The following CDHR5 variants were observed in gnomAD, a reference collection of about 807,000 sequenced individuals.
CDHR5 encodes the protein cadherin-related family member 5.
CDHR5 carries 82 observed loss-of-function variants against 69.5 expected under a neutral mutation model. The observed-to-expected ratio is 1.18, with a 90% CI of 0.99 to 1.42. The LOEUF (loss-of-function observed/expected upper bound fraction) is 1.42. CDHR5 is among the 40% of genes most tolerant of loss of function. The pLI, the probability that CDHR5 is intolerant of heterozygous loss-of-function variation, is 0.00. For synonymous variants in CDHR5, 601 were observed against 510.2 expected, an observed-to-expected ratio of 1.18 and a Z score of -2.40; for missense variants, 1,293 against 1,168.9, an observed-to-expected ratio of 1.11 and a Z score of -1.55.
chr11:617,440 TG>T lies in CDHR5; in HGVS notation c.2448del (p.Ser817ValfsTer56), dbSNP rs1281615190. 6.2e-7 allele frequency: 1 copy of T among 1,612,132 alleles called. No homozygotes were observed. The highest frequency in any genetic ancestry group is 1.1e-5 in the South Asian group (1 of 91,062). On this transcript the variant is annotated frameshift_variant, in exon 15 of 15. Transcript: ENST00000397542. LOFTEE classifies it low-confidence loss of function (END_TRUNC). ...LNAPTLDVDG[A>X]SDSGSGDEGE... ...CCCTCATCGCCGCTGCCGGAGTCAC[TG>T]GCGCCATCCACGTCCAGGGTGGGCG...
rs1255381601 is a variant in CDHR5 at position 624,248 on chromosome 11, C to G, written c.277G>C (p.Glu93Gln). 2.6e-6 allele frequency: 2 copies of G among 771,640 alleles called. No homozygotes were observed. The highest frequency in any genetic ancestry group is 2.4e-5 in the East Asian group (1 of 40,976). The allele number at this position is 771,640 out of a possible 1,614,324, so 47.8% of individuals were successfully genotyped here. The change falls in exon 3 of 15, where the codon GAG becomes CAG. Residue 93 changes from glutamate (E) to glutamine (Q), a missense_variant. Transcript: ENST00000397542. This position sits in a 1 kb window ranked among gnomAD's most constrained non-coding sequence, Gnocchi z 5.3. The stretch of plus-strand genomic sequence containing the variant: ...CCGCTCTGACACAGCAGCTGAGCCT[C>G]AAGCAGTGACTTCTCCTGTGGATGT... The part of the protein sequence containing the change: ...TPDYEEKSLL[E>Q]AQLLCQSGGT...
chr11:623,664 G>C (rs1172340905), intron 3 of CDHR5, among the ~76,000 whole-genome samples: 1 of 152,098 alleles, frequency 6.6e-6, no homozygotes, highest in Admixed American at 6.5e-5. Context: ...GTGGAGGGCT[G>C]GGGTGGGCTG....
chr11:621,640 G>T lies in CDHR5; in HGVS notation c.429C>A (p.Val143=). ...CAGCCTGCAGTTGCGTCTCGGGGAT[G>T]ACGGTGGAGTTCACTTTCGTGTCCT... The part of the protein sequence containing the change: ...VEEDTKVNST[V]IPETQLQAED... The change falls in exon 5 of 15, where the codon GTC becomes GTA. Residue 143 remains valine (V), a synonymous_variant. Coordinates refer to ENST00000397542, the MANE Select transcript of CDHR5 (RefSeq NM_021924.5). This position sits in a 1 kb window ranked among gnomAD's most constrained non-coding sequence, Gnocchi z 4.4. 1 of 1,613,484 alleles carries T rather than the reference G, an allele frequency of 6.2e-7. No homozygotes were observed. Among genetic ancestry groups the T allele is most frequent in the Non-Finnish European group, 8.5e-7 (1 of 1,179,550 alleles).
rs746728610 is a variant in CDHR5, at chr11:619,865, A to T, written c.995T>A (p.Leu332His). 1 of 1,550,308 alleles carries T rather than the reference A, an allele frequency of 6.5e-7. No homozygotes were observed. The highest frequency in any genetic ancestry group is 8.7e-7 in the Non-Finnish European group (1 of 1,151,500). ...LLLVKGQQAD[L>H]ARYSVTQVTV... ...GACCTGGGTCACTGAGTAGCGGGCA[A>T]GGTCGGCCTGTTGGCCCTGGAGGCG... Residue 332 changes from leucine (L) to histidine (H), a missense_variant, in exon 10 of 15, where the codon CTT becomes CAT. Transcript: ENST00000397542.
At chr11:622,104 C>T (rs552216268) in intron 3 of CDHR5, among the ~76,000 whole-genome samples, 200 bp from the exon 4 acceptor site, 20 of 151,848 alleles carry the variant, frequency 1.3e-4, no homozygotes, top group African/African-American at 2.4e-4. Flanking sequence ...CCGTCCCCGC[C>T]GTGAGTGAGG....
Position 621,911 on chromosome 11 carries a change from G to A in CDHR5, c.313-7C>T, listed in dbSNP as rs1389633858. On this transcript the variant is annotated splice_polypyrimidine_tract_variant and splice_region_variant and intron_variant, in intron 3 of 14. Coordinates refer to ENST00000397542, the MANE Select transcript of CDHR5 (RefSeq NM_021924.5). The surrounding 1 kb of genome is among the most constrained non-coding windows in gnomAD (Gnocchi z 4.4). ...ACACCCTTAGCTGGGTCACCTGCAGGATGTGGCCGTCAGCCTCTCCCACAG... is the reference window on the plus strand; with the variant it reads ...ACACCCTTAGCTGGGTCACCTGCAGAATGTGGCCGTCAGCCTCTCCCACAG... The A allele has an allele frequency of 5.6e-6, 9 of 1,609,760 alleles. No homozygotes were observed. Among genetic ancestry groups the A allele is most frequent in the Non-Finnish European group, 1.7e-6 (2 of 1,177,468 alleles).
Position 617,414 on chromosome 11 carries a change from G to GCCCTCA in CDHR5, c.2469_2474dup (p.Glu826_Gly827dup). 1 of 1,611,444 alleles carries GCCCTCA rather than the reference G, an allele frequency of 6.2e-7. No homozygotes were observed. Among genetic ancestry groups the GCCCTCA allele is most frequent in the South Asian group, 1.1e-5 (1 of 90,996 alleles). On this transcript the variant is annotated inframe_insertion, in exon 15 of 15. Transcript: ENST00000397542. ...GACCCCCACCCCTCCCCGCGCCCTC[G>GCCCTCA]CCCTCATCGCCGCTGCCGGAGTCAC...
chr11:618,571 G>A (rs773723533), intron 13 of CDHR5, 28 bp downstream of exon 13: 2 of 1,612,016 alleles, frequency 1.2e-6, no homozygotes, highest in Non-Finnish European at 1.7e-6. Context: ...CCGGAGTCAG[G>A]GAGGGAAGGC....
intron 7 of CDHR5, 91 bp downstream of exon 7, chr11:620,989 A>ACCCCGC (rs1857341213): frequency 3.8e-6 from 2 of 525,082 alleles, no homozygotes; most frequent in Admixed American, 3.6e-5. Flanking sequence ...CCTGACCCCG[A>ACCCCGC]CCCCGCCCTT....
chr11:623,153 A>G (rs1857518197), intron 3 of CDHR5, among the ~76,000 whole-genome samples: 1 of 152,102 alleles, frequency 6.6e-6, no homozygotes, highest in African/African-American at 2.4e-5. Context: ...TACTAAAAAT[A>G]CAAAAATTAG....
At position 617,305 on chromosome 11, in the gene CDHR5, A is replaced by G. The variant is rs754986038; in HGVS notation, c.*46T>C. 1 of 1,420,760 alleles carries G rather than the reference A, an allele frequency of 7.0e-7. No homozygotes were observed. Among genetic ancestry groups the G allele is most frequent in the Non-Finnish European group, 9.7e-7 (1 of 1,027,962 alleles). The allele number at this position is 1,420,760 out of a possible 1,614,324, so 88.0% of individuals were successfully genotyped here. A position where few individuals can be genotyped will look rare whatever the true frequency, so the allele number is the denominator to read the frequency against. ...CCTCGGGTCGGAGGCTGGGGGAGCG[A>G]GACCTCCAGTGCCCGTGCGGCTGGG... is the stretch of plus-strand genomic sequence containing the variant. On this transcript the variant is annotated 3_prime_UTR_variant, in exon 15 of 15. Coordinates refer to ENST00000397542, the MANE Select transcript of CDHR5 (RefSeq NM_021924.5).
chr11:620,977 C>CCCCTGA (rs1274581532), intron 7 of CDHR5, 103 bp downstream of exon 7: 46 of 740,958 alleles, frequency 6.2e-5, no homozygotes, highest in Non-Finnish European at 1.6e-5. Flanking sequence ...TCGGCCCCAC[C>CCCCTGA]CCCTGACCCC....
Position 619,315 on chromosome 11 carries a change from G to A in CDHR5, c.1369C>T (p.Pro457Ser), listed in dbSNP as rs969295576. The A allele has an allele frequency of 1.2e-6, 2 of 1,610,470 alleles. No individual in the cohort carries two copies. The highest frequency in any genetic ancestry group is 1.7e-6 in the Non-Finnish European group (2 of 1,177,524). The stretch of plus-strand genomic sequence containing the variant: ...GTGGAGGGGGGCTTACCTGTGGAGG[G>A]GGGCTCCTGTTCGGAAACTTGTATC... ...IEIQVSEQEP[P>S]STDVPPSPEA... is the part of the protein sequence containing the mutation. The change falls in exon 12 of 15, where the codon CCC becomes TCC. Residue 457 changes from proline to serine, a missense_variant. Transcript: ENST00000397542.
In CDHR5 at chr11:617,761, G is replaced by C. The variant is rs1030685973; in HGVS notation, c.2128C>G (p.Pro710Ala). ...AACGCCTGGTTGTCAAAGCCTTGGG[G>C]CTGGGGCTCCTGCAGGCGGGAGTCG... Reference protein sequence around the residue: ...CCCGKAPEPQPQGFDNQAFLP... With the variant: ...CCCGKAPEPQAQGFDNQAFLP... The change falls in exon 15 of 15, where the codon CCC becomes GCC. Residue 710 changes from proline (P) to alanine (A), a missense_variant. Transcript: ENST00000397542. 6.9e-7 allele frequency: 1 copy of C among 1,455,364 alleles called. No homozygotes were observed. Among genetic ancestry groups the C allele is most frequent in the Non-Finnish European group, 9.0e-7 (1 of 1,111,084 alleles). 90.2% of individuals were successfully genotyped at this position (1,455,364 alleles called of 1,614,324 possible). A position where few individuals can be genotyped will look rare whatever the true frequency, so the allele number is the denominator to read the frequency against.
rs778244827 is a variant in CDHR5 at position 619,189 on chromosome 11, C to T, written c.1379-9G>A. 52 of 1,512,592 alleles carry T rather than the reference C, an allele frequency of 3.4e-5. No individual in the cohort carries two copies. Among genetic ancestry groups the T allele is most frequent in the Admixed American group, 6.2e-5 (3 of 48,516 alleles). The allele number at this position is 1,512,592 out of a possible 1,614,324, so 93.7% of individuals were successfully genotyped here. Reference sequence around the variant, plus strand: ...TGGGGATGGGGGGACATCTGGGGGCCGGGAACAGTGCTTGGGCTTGCCTCT... The same window carrying T: ...TGGGGATGGGGGGACATCTGGGGGCTGGGAACAGTGCTTGGGCTTGCCTCT... On this transcript the variant is annotated splice_polypyrimidine_tract_variant and intron_variant, in intron 12 of 14. Transcript: ENST00000397542.
chr11:618,272 G>A (rs551125914), intron 13 of CDHR5, among the ~76,000 whole-genome samples, 161 bp from the exon 14 acceptor site: 1 of 152,320 alleles, frequency 6.6e-6, no homozygotes, highest in East Asian at 1.9e-4. Context: ...GGGCCTGTGT[G>A]TCCCATCGAG....
intron 7 of CDHR5, among the ~76,000 whole-genome samples, chr11:620,627 C>G (rs1423905616): frequency 6.6e-6 from 1 of 152,198 alleles, no homozygotes; most frequent in African/African-American, 2.4e-5. Flanking sequence ...CCCATTTGCA[C>G]AAGGCTTGTC....
Position 616,719 on chromosome 11 carries a change from C to G in CDHR5, c.*632G>C, listed in dbSNP as rs1421373964. On this transcript the variant is annotated 3_prime_UTR_variant, in exon 15 of 15. Transcript: ENST00000397542. ...CAGCGAGGGGAATGTGTCTCTCACC[C>G]CTAGGCCTCCTGGTCTGGCTCCTGC... 1 of 155,036 alleles carries G rather than the reference C, an allele frequency of 6.5e-6. No individual in the cohort carries two copies. Among genetic ancestry groups the G allele is most frequent in the East Asian group, 1.9e-4 (1 of 5,198 alleles). 9.6% of individuals were successfully genotyped at this position (155,036 alleles called of 1,614,324 possible).
chr11:618,716 G>A lies in CDHR5; in HGVS notation c.1843C>T (p.Pro615Ser), dbSNP rs377168999. The A allele has an allele frequency of 4.4e-6, 7 of 1,589,424 alleles. No individual in the cohort carries two copies. The African/African-American group carries it at 9.7e-5, about 22-fold the overall frequency. ...PEAGTSQPMP[P>S]GMGTSTSHQP... The stretch of plus-strand genomic sequence containing the variant: ...TGGGAGGTGCTGGTTCCCATACCGG[G>A]GGGCATCGGCTGAGAGGTTCCTGCC... Residue 615 changes from proline to serine, a missense_variant, in exon 13 of 15, where the codon CCC becomes TCC. Transcript: ENST00000397542.
Sources: allele counts gnomAD v4.1 joint callset (sites outside exome capture counted in the v4.1 genomes callset), GRCh38; gene constraint gnomAD v4.1.1; non-coding constraint Gnocchi (gnomAD v3.1); transcripts MANE v1.5; gene names NCBI Gene and HGNC (gene_info 2026-07-23, HGNC 2026-07-21).